The following RNF220 variants were observed in gnomAD, a reference collection of about 807,000 sequenced individuals.
RNF220 encodes the protein ring finger protein 220.
RNF220 carries 7 observed loss-of-function variants against 67.1 expected under a neutral mutation model. The ratio of observed to expected loss-of-function variants is 0.10; its 90% CI spans 0.06 to 0.20. The LOEUF is 0.20. Among genes scored for constraint, RNF220 ranks in the 10% least tolerant of loss-of-function variants. The probability of loss-of-function intolerance (pLI) is 1.00; values close to 1 mark genes in which losing one functional copy is unlikely to be tolerated. For missense variants in RNF220, 565 were observed against 740.3 expected (o/e 0.76, Z 2.75); for synonymous variants, 270 against 283.2 (o/e 0.95, Z 0.47).
intron 2 of RNF220, chr1:44,424,061 G>A (rs1399481335): frequency 1.3e-5 from 13 of 970,784 alleles, no homozygotes; most frequent in African/African-American, 8.9e-5. Flanking sequence ...TGTGTAGAGC[G>A]TTGTGCTCGG....
At chr1:44,429,423 G>T (rs893697107) in intron 2 of RNF220, among the ~76,000 whole-genome samples, 4 of 152,220 alleles carry the variant, frequency 2.6e-5, no homozygotes, top group Non-Finnish European at 5.9e-5. Context: ...AGGGCCAGCA[G>T]GCTGGGAGAG....
intron 2 of RNF220, among the ~76,000 whole-genome samples, chr1:44,535,668 T>C (rs1397110137): frequency 6.6e-6 from 1 of 152,212 alleles, no homozygotes; most frequent in Non-Finnish European, 1.5e-5. Flanking sequence ...AGTCCTTCGA[T>C]ACACCAGCAC....
In RNF220 at chr1:44,527,053, C is replaced by T. The variant is rs369351001; in HGVS notation, c.626-87112C>T. Among the ~76,000 whole-genome samples, 80 of 152,032 alleles carry T rather than the reference C, an allele frequency of 5.3e-4. 2 individuals are homozygous for T. The highest frequency in any genetic ancestry group is 1.6e-3 in the African/African-American group (68 of 41,432). ...TTCTCTCCTTACTTACGCATCTTCCCGGGGTGAGCTCATCATGCCTGTAGT... is the reference window on the plus strand; with the variant it reads ...TTCTCTCCTTACTTACGCATCTTCCTGGGGTGAGCTCATCATGCCTGTAGT... On this transcript the variant is annotated intron_variant, in intron 2 of 14. Coordinates refer to ENST00000361799, the MANE Select transcript of RNF220 (RefSeq NM_018150.4).
intron 2 of RNF220, among the ~76,000 whole-genome samples, chr1:44,521,038 G>A (rs1659897343): frequency 6.6e-6 from 1 of 152,184 alleles, no homozygotes; most frequent in African/African-American, 2.4e-5. Context: ...TAGGACTACA[G>A]GTGTGCACCA....
At chr1:44,615,733 G>A (rs560023663) in intron 3 of RNF220, among the ~76,000 whole-genome samples, 2 of 152,188 alleles carry the variant, frequency 1.3e-5, no homozygotes, top group Non-Finnish European at 2.9e-5. Context: ...AGCAAAGAAG[G>A]CTTCCTCAGA....
intron 2 of RNF220, among the ~76,000 whole-genome samples, chr1:44,425,721 T>G (rs1388586784): frequency 2.0e-5 from 3 of 152,234 alleles, no homozygotes; most frequent in African/African-American, 7.2e-5. Context: ...CCTACAGGGT[T>G]GCTGAGTAAA....
At chr1:44,585,623 G>C (rs1665641677) in intron 2 of RNF220, among the ~76,000 whole-genome samples, 1 of 152,090 alleles carries the variant, frequency 6.6e-6, no homozygotes, top group Non-Finnish European at 1.5e-5. Context: ...GGATCCTAGG[G>C]GCTGGTGACA....
intron 2 of RNF220, among the ~76,000 whole-genome samples, chr1:44,528,361 C>T (rs540006713): frequency 2.2e-4 from 34 of 151,196 alleles, no homozygotes; most frequent in Non-Finnish European, 4.1e-4. Flanking sequence ...AGTCCAGTGG[C>T]GCTATCTCGG....
rs1441021266 is a variant in RNF220, at chr1:44,600,428, G to A, written c.626-13737G>A. On this transcript the variant is annotated intron_variant, in intron 2 of 14. Transcript: ENST00000361799. The surrounding 1 kb of genome is among the most constrained non-coding windows in gnomAD (Gnocchi z 4.0). ...GACTAAGAGCATGCATGGGGCTGTG[G>A]TATTACATAAGTCCCACACAGCCAC... is the stretch of plus-strand genomic sequence containing the variant. 6.6e-6 allele frequency among the ~76,000 whole-genome samples: 1 copy of A among 152,200 alleles called. No individual in the cohort carries two copies. The highest frequency in any genetic ancestry group is 1.5e-5 in the Non-Finnish European group (1 of 68,034).
At chr1:44,526,073 G>C (rs540026156) in intron 2 of RNF220, among the ~76,000 whole-genome samples, 2 of 151,980 alleles carry the variant, frequency 1.3e-5, no homozygotes, top group Admixed American at 1.3e-4. Flanking sequence ...GAATTTCTTC[G>C]TGCCATTTCC....
At chr1:44,631,766 G>A (rs1644130640) in intron 5 of RNF220, 8 of 341,852 alleles carry the variant, frequency 2.3e-5, no homozygotes, top group Admixed American at 6.5e-5. Context: ...CGCAGCGGGA[G>A]GGGTCGTGGA....
At chr1:44,430,916 G>T (rs1156233527) in intron 2 of RNF220, among the ~76,000 whole-genome samples, 1 of 152,196 alleles carries the variant, frequency 6.6e-6, no homozygotes, top group Non-Finnish European at 1.5e-5. Context: ...TAGCATTTAT[G>T]ATTGAATCTT....
chr1:44,467,936 T>C (rs920854072), intron 2 of RNF220, among the ~76,000 whole-genome samples: 1 of 152,128 alleles, frequency 6.6e-6, no homozygotes, highest in Non-Finnish European at 1.5e-5. Context: ...AATATCGTTG[T>C]GTCTCAGAGA....
chr1:44,449,324 C>T (rs190269262), intron 2 of RNF220, among the ~76,000 whole-genome samples: 1 of 152,326 alleles, frequency 6.6e-6, no homozygotes, highest in East Asian at 1.9e-4. Context: ...ATAATTGCCC[C>T]CAAAACTTCC....
Position 44,649,650 on chromosome 1 carries a change from C to T in RNF220, c.1446-11C>T, listed in dbSNP as rs556796890. On this transcript the variant is annotated splice_polypyrimidine_tract_variant and intron_variant, in intron 12 of 14. Coordinates refer to ENST00000361799, the MANE Select transcript of RNF220 (RefSeq NM_018150.4). This position sits in a 1 kb window ranked among gnomAD's most constrained non-coding sequence, Gnocchi z 5.9. The stretch of plus-strand genomic sequence containing the variant: ...CCAGCCTGCTACCCAACCATGCCTT[C>T]CTTTTTACAGAATCACCGAAGATTC... 1.6e-5 allele frequency: 26 copies of T among 1,613,618 alleles called. No homozygotes were observed. The African/African-American group carries it at 2.5e-4, about 16-fold the overall frequency.
At chr1:44,498,080 C>T (rs948644140) in intron 2 of RNF220, among the ~76,000 whole-genome samples, 3 of 152,188 alleles carry the variant, frequency 2.0e-5, no homozygotes, top group African/African-American at 4.8e-5. Flanking sequence ...GTGGTTGCTT[C>T]CGGAGACCCA....
At chr1:44,498,138 G>A (rs1404721395) in intron 2 of RNF220, among the ~76,000 whole-genome samples, 3 of 152,318 alleles carry the variant, frequency 2.0e-5, no homozygotes, top group South Asian at 2.1e-4. Context: ...TATTTGGTGA[G>A]TGGCGAAGGT....
intron 2 of RNF220, among the ~76,000 whole-genome samples, chr1:44,466,945 A>G (rs547999998): frequency 2.0e-5 from 3 of 152,360 alleles, no homozygotes; most frequent in African/African-American, 7.2e-5. Flanking sequence ...AACATGGTCA[A>G]TCTGTCCTTT....
At position 44,450,267 on chromosome 1, in the gene RNF220, C is replaced by T. The variant is rs150086096; in HGVS notation, c.625+37545C>T. Among the ~76,000 whole-genome samples, 137 of 152,024 alleles carry T rather than the reference C, an allele frequency of 9.0e-4. No homozygotes were observed. In the Middle Eastern group the frequency reaches 0.01, roughly 11 times the overall value. ...CCTCTTTTCAAAACCAGTGCCCTTG[C>T]GAAGCCTGCATTGCCTCTTACTGTA... On this transcript the variant is annotated intron_variant, in intron 2 of 14. Coordinates refer to ENST00000361799, the MANE Select transcript of RNF220 (RefSeq NM_018150.4).
Sources: gnomAD v4.1 joint callset for allele counts (sites outside exome capture counted in the v4.1 genomes callset) on GRCh38, gnomAD v4.1.1 for gene constraint, Gnocchi (gnomAD v3.1) non-coding constraint, MANE v1.5 for transcripts, NCBI Gene and HGNC (gene_info 2026-07-23, HGNC 2026-07-21) for gene names.